Variants in PTPRN2 observed in about 807,000 individuals in gnomAD.
PTPRN2 encodes the protein protein tyrosine phosphatase receptor type N2.
PTPRN2 carries 74 observed loss-of-function variants against 118.8 expected under a neutral mutation model. The observed-to-expected ratio is 0.62, with a 90% CI of 0.52 to 0.76. PTPRN2 has a LOEUF of 0.76. Ranked by LOEUF, PTPRN2 falls within the 30% of genes least tolerant of loss-of-function variation. The probability of loss-of-function intolerance (pLI) is 0.00; values close to 1 mark genes in which losing one functional copy is unlikely to be tolerated. For missense variants in PTPRN2, 1,481 were observed against 1,394.4 expected (o/e 1.06, Z -0.99); for synonymous variants, 641 against 608.0 (o/e 1.05, Z -0.80).
chr7:157,752,715 G>A (rs1020935630), intron 12 of PTPRN2, among the ~76,000 whole-genome samples: 1 of 152,178 alleles, frequency 6.6e-6, no homozygotes, highest in Non-Finnish European at 1.5e-5. Context: ...TCTCCTACCT[G>A]GAGTCCAGCA....
chr7:158,243,094 G>T (rs1795988482), intron 3 of PTPRN2, among the ~76,000 whole-genome samples: 3 of 152,114 alleles, frequency 2.0e-5, no homozygotes, highest in African/African-American at 7.2e-5. Context: ...AGTGCCTTGG[G>T]GTGTAATGTT....
chr7:157,736,866 T>C (rs1233744702), intron 12 of PTPRN2, among the ~76,000 whole-genome samples: 2 of 152,152 alleles, frequency 1.3e-5, no homozygotes, highest in Middle Eastern at 3.2e-3. Context: ...GCTGGACACA[T>C]ATTGGTTTTG....
chr7:157,920,862 T>C (rs1428696842), intron 11 of PTPRN2, among the ~76,000 whole-genome samples: 1 of 152,182 alleles, frequency 6.6e-6, no homozygotes, highest in African/African-American at 2.4e-5. Flanking sequence ...GATGACTTTT[T>C]AGAGATACAA....
At chr7:158,174,545 C>T (rs1234385058) in intron 5 of PTPRN2, among the ~76,000 whole-genome samples, 2 of 152,144 alleles carry the variant, frequency 1.3e-5, no homozygotes, top group African/African-American at 4.8e-5. Flanking sequence ...TCCACACCAT[C>T]AGTGTCACCC....
intron 12 of PTPRN2, among the ~76,000 whole-genome samples, chr7:157,791,579 C>A (rs915430327): frequency 6.6e-6 from 1 of 151,168 alleles, no homozygotes; most frequent in African/African-American, 2.4e-5. Context: ...CCCGCCCCCC[C>A]TCCCTGCACC....
intron 6 of PTPRN2, among the ~76,000 whole-genome samples, chr7:158,161,369 G>T (rs1822343356): frequency 6.6e-6 from 1 of 152,210 alleles, no homozygotes; most frequent in South Asian, 2.1e-4. Context: ...TCCAGGCAGG[G>T]TGGGGTTGAT....
chr7:158,386,798 T>G (rs1232646773), intron 2 of PTPRN2, among the ~76,000 whole-genome samples: 1 of 152,154 alleles, frequency 6.6e-6, no homozygotes, highest in Non-Finnish European at 1.5e-5. Flanking sequence ...GCTCTTGCTG[T>G]GGTGGTTTCA....
intron 3 of PTPRN2, among the ~76,000 whole-genome samples, chr7:158,258,870 G>C (rs983647045): frequency 6.6e-6 from 1 of 152,228 alleles, no homozygotes; most frequent in East Asian, 1.9e-4. Context: ...GCCACGCGAG[G>C]TCTGTCCACG....
At chr7:158,294,382 G>C (rs1252162848) in intron 3 of PTPRN2, among the ~76,000 whole-genome samples, 4 of 152,218 alleles carry the variant, frequency 2.6e-5, no homozygotes, top group African/African-American at 9.6e-5. Flanking sequence ...GAAATTACAT[G>C]AGAGTTTGTT....
At chr7:157,982,515 C>G (rs1477082362) in intron 11 of PTPRN2, among the ~76,000 whole-genome samples, 1 of 120,440 alleles carries the variant, frequency 8.3e-6, no homozygotes, top group East Asian at 2.8e-4. Flanking sequence ...TCCCCCCAAA[C>G]CCTGAGTCAT....
At chr7:158,085,364 C>T (rs1473350123) in intron 10 of PTPRN2, among the ~76,000 whole-genome samples, 11 of 109,784 alleles carry the variant, frequency 1.0e-4, no homozygotes, top group African/African-American at 1.9e-4. Flanking sequence ...TCCACACCCA[C>T]GACGCCCATC....
intron 3 of PTPRN2, among the ~76,000 whole-genome samples, chr7:158,248,475 A>G (rs1277610272): frequency 6.9e-6 from 1 of 144,630 alleles, no homozygotes; most frequent in African/African-American, 2.6e-5. Flanking sequence ...TTTGCAATAA[A>G]TTCAAAATTT....
At position 158,576,321 on chromosome 7, in the gene PTPRN2, AAAGTTCTGC is replaced by A. The variant is rs577014155; in HGVS notation, c.112+11228_112+11236del. On this transcript the variant is annotated intron_variant, in intron 1 of 22. Transcript: ENST00000389418. The stretch of plus-strand genomic sequence containing the variant: ...GTTTTGCAAGAACGAACATCTCTGT[AAAGTTCTGC>A]TTCTGACGTCACAGTTTCTCTATTC... Among the ~76,000 whole-genome samples the A allele has an allele frequency of 1.4e-3, 215 of 152,360 alleles. 2 individuals carry two copies. The highest frequency in any genetic ancestry group is 5.0e-3 in the African/African-American group (209 of 41,590).
chr7:158,256,144 T>G (rs1027246930), intron 3 of PTPRN2, among the ~76,000 whole-genome samples: 1 of 152,160 alleles, frequency 6.6e-6, no homozygotes, highest in Non-Finnish European at 1.5e-5. Flanking sequence ...AGAATCTCTG[T>G]GCAAAGGTGA....
intron 2 of PTPRN2, among the ~76,000 whole-genome samples, chr7:158,456,507 C>T (rs188384949): frequency 6.0e-5 from 9 of 149,270 alleles, no homozygotes; most frequent in East Asian, 2.0e-4. Context: ...CATAACGGCA[C>T]GGATGCCATC....
chr7:158,189,564 CA>C (rs1426818847), intron 5 of PTPRN2, among the ~76,000 whole-genome samples: 2 of 152,338 alleles, frequency 1.3e-5, no homozygotes, highest in East Asian at 3.9e-4. Flanking sequence ...ACTGTCAAGT[CA>C]GGGGGGAAAG....
intron 12 of PTPRN2, among the ~76,000 whole-genome samples, chr7:157,795,277 G>A (rs1242730374): frequency 6.6e-6 from 1 of 152,188 alleles, no homozygotes; most frequent in African/African-American, 2.4e-5. Flanking sequence ...ACTTTGGCAG[G>A]AGGGAGGGTG....
At chr7:158,056,985 T>C (rs1348562965) in intron 11 of PTPRN2, among the ~76,000 whole-genome samples, 1 of 152,152 alleles carries the variant, frequency 6.6e-6, no homozygotes. Context: ...GATGTGTCCA[T>C]CAAGCTTTTA....
At chr7:158,238,839 G>A (rs1194331081) in intron 3 of PTPRN2, among the ~76,000 whole-genome samples, 1 of 152,038 alleles carries the variant, frequency 6.6e-6, no homozygotes, top group Non-Finnish European at 1.5e-5. Flanking sequence ...CCCCATGAAG[G>A]GAGACAAAAC....
Sources: allele counts gnomAD v4.1 joint callset (sites outside exome capture counted in the v4.1 genomes callset), GRCh38; gene constraint gnomAD v4.1.1; transcripts MANE v1.5; gene names NCBI Gene and HGNC (gene_info 2026-07-23, HGNC 2026-07-21).